CA10: variants seen among roughly 807,000 people sequenced by gnomAD.
CA10 encodes carbonic anhydrase 10 (inactive), also known as carbonic anhydrase-related protein 10.
Under a neutral mutation model 44.2 loss-of-function variants are expected in CA10, and 14 were observed. The ratio of observed to expected loss-of-function variants is 0.32; its 90% confidence interval spans 0.21 to 0.50. CA10 has a LOEUF of 0.50. Among genes scored for constraint, CA10 ranks in the 20% least tolerant of loss-of-function variants. The pLI is 0.99. For missense variants in CA10, 350 were observed against 409.7 expected, an observed-to-expected ratio of 0.85 and a Z score of 1.26; for synonymous variants, 159 against 141.6, an observed-to-expected ratio of 1.12 and a Z score of -0.87.
chr17:51,727,486 A>C (rs541367465), intron 4 of CA10, among the ~76,000 whole-genome samples: 168 of 152,048 alleles, frequency 1.1e-3, no homozygotes, highest in Non-Finnish European at 2.1e-3. Context: ...GCTCCATGTG[A>C]GTGATGCCCA....
chr17:52,131,936 C>T (rs1307966677), intron 1 of CA10, among the ~76,000 whole-genome samples: 1 of 151,746 alleles, frequency 6.6e-6, no homozygotes, highest in African/African-American at 2.4e-5. Context: ...TGCATGTTCT[C>T]ACTCATAGAT....
chr17:51,800,019 C>G (rs184898557), intron 3 of CA10, among the ~76,000 whole-genome samples: 3 of 152,196 alleles, frequency 2.0e-5, no homozygotes, highest in East Asian at 3.9e-4. Flanking sequence ...TAGGTATATG[C>G]CCAAGAGAAA....
At chr17:52,069,548 T>G (rs1229458372) in intron 2 of CA10, among the ~76,000 whole-genome samples, 1 of 152,212 alleles carries the variant, frequency 6.6e-6, no homozygotes, top group Non-Finnish European at 1.5e-5. Flanking sequence ...TAAACCCTGT[T>G]GGAGCCCTTG....
intron 4 of CA10, among the ~76,000 whole-genome samples, chr17:51,675,314 C>T (rs765400381): frequency 1.3e-5 from 2 of 152,142 alleles, no homozygotes; most frequent in Non-Finnish European, 2.9e-5. Flanking sequence ...AATCCTAGCA[C>T]TTTGGGAGGC....
At chr17:52,055,346 G>T (rs1567717722) in intron 2 of CA10, among the ~76,000 whole-genome samples, 2 of 122,808 alleles carry the variant, frequency 1.6e-5, no homozygotes, top group Admixed American at 8.0e-5. Context: ...TCCTTCTGGT[G>T]AAAAAAAAAA....
At chr17:51,637,158 T>C (rs1912870108) in intron 6 of CA10, among the ~76,000 whole-genome samples, 1 of 152,152 alleles carries the variant, frequency 6.6e-6, no homozygotes. Context: ...GTGATTGTTC[T>C]CTTCTGCTGG....
chr17:52,103,512 C>T (rs949085168), intron 1 of CA10, among the ~76,000 whole-genome samples: 1 of 152,188 alleles, frequency 6.6e-6, no homozygotes, highest in Non-Finnish European at 1.5e-5. Flanking sequence ...GGTAAGCTCC[C>T]TCCTAATCAG....
intron 3 of CA10, among the ~76,000 whole-genome samples, chr17:51,899,045 G>A (rs1981197404): frequency 6.6e-6 from 1 of 151,782 alleles, no homozygotes; most frequent in Non-Finnish European, 1.5e-5. Flanking sequence ...ATTTCATTTA[G>A]TTTAGCTCTG....
chr17:51,694,869 G>A (rs555137138), intron 4 of CA10, among the ~76,000 whole-genome samples: 4 of 152,074 alleles, frequency 2.6e-5, no homozygotes, highest in East Asian at 1.9e-4. Flanking sequence ...TCATTCTTCC[G>A]CATATGGCTA....
At chr17:51,946,098 T>G (rs957356877) in intron 2 of CA10, among the ~76,000 whole-genome samples, 2 of 152,080 alleles carry the variant, frequency 1.3e-5, no homozygotes, top group African/African-American at 4.8e-5. Flanking sequence ...GATTCTAAAA[T>G]AGTTGAACTC....
chr17:51,676,495 C>G (rs892514458), intron 4 of CA10, among the ~76,000 whole-genome samples: 2 of 152,204 alleles, frequency 1.3e-5, no homozygotes, highest in African/African-American at 2.4e-5. Context: ...ACTGCACCAG[C>G]ATTTCTGGGG....
At chr17:51,975,813 G>T (rs1984443194) in intron 2 of CA10, among the ~76,000 whole-genome samples, 1 of 148,160 alleles carries the variant, frequency 6.7e-6, no homozygotes, top group Admixed American at 6.8e-5. Context: ...GGAGGTTGCA[G>T]TGAGCTGAGG....
intron 3 of CA10, among the ~76,000 whole-genome samples, chr17:51,786,287 C>T (rs763497896): frequency 5.3e-5 from 8 of 151,550 alleles, no homozygotes; most frequent in Non-Finnish European, 1.2e-4. Context: ...CGCATTGGCT[C>T]GTGGCTGTAA....
At position 52,012,055 on chromosome 17, in the gene CA10, C is replaced by G. The variant is rs376680645; in HGVS notation, c.136+60264G>C. Among the ~76,000 whole-genome samples, 3 of 151,872 alleles carry G rather than the reference C, an allele frequency of 2.0e-5. No homozygotes were observed. In the South Asian group the frequency reaches 6.2e-4, roughly 32 times the overall value. The stretch of plus-strand genomic sequence containing the variant: ...ACCTTCCACCTGGGACCCCAATATG[C>G]CATGAACTGAGCTGGTTATGGTAGC... On this transcript the variant is annotated intron_variant, in intron 2 of 8. Transcript: ENST00000451037.
chr17:52,077,491 T>C (rs969888443), intron 1 of CA10, among the ~76,000 whole-genome samples: 1 of 152,154 alleles, frequency 6.6e-6, no homozygotes, highest in African/African-American at 2.4e-5. Flanking sequence ...TGCAGGGGTG[T>C]AGCTGTGTGC....
At chr17:51,679,409 A>G (rs998816609) in intron 4 of CA10, among the ~76,000 whole-genome samples, 14 of 151,600 alleles carry the variant, frequency 9.2e-5, no homozygotes, top group East Asian at 3.9e-4. Context: ...ACAAGTGCCC[A>G]CCACCACGCC....
At chr17:52,081,809 A>AAAAAAAAATT (rs1555564805) in intron 1 of CA10, among the ~76,000 whole-genome samples, 32 of 151,962 alleles carry the variant, frequency 2.1e-4, no homozygotes, top group Non-Finnish European at 3.1e-4. Flanking sequence ...CAAAAAAAAA[A>AAAAAAAAATT]AAAAAAAAAA....
At chr17:51,777,078 T>C (rs905385265) in intron 3 of CA10, among the ~76,000 whole-genome samples, 3 of 152,122 alleles carry the variant, frequency 2.0e-5, no homozygotes, top group Non-Finnish European at 2.9e-5. Flanking sequence ...GTTTATAGAC[T>C]GAACAAAATG....
At chr17:51,688,451 T>A (rs1359827134) in intron 4 of CA10, among the ~76,000 whole-genome samples, 2 of 152,248 alleles carry the variant, frequency 1.3e-5, no homozygotes, top group African/African-American at 4.8e-5. Flanking sequence ...TTTGCACGAC[T>A]GGCTAGTTTA....
Sources: gnomAD v4.1 joint callset for allele counts (sites outside exome capture counted in the v4.1 genomes callset) on GRCh38, gnomAD v4.1.1 for gene constraint, MANE v1.5 for transcripts, NCBI Gene and HGNC (gene_info 2026-07-23, HGNC 2026-07-21) for gene names.